Variants in LCN9 observed in about 807,000 individuals in gnomAD.
LCN9 encodes lipocalin 9.
In LCN9, 22 loss-of-function variants were observed where a neutral mutation model predicts 18.5. The ratio of observed to expected loss-of-function variants is 1.19; its 90% CI spans 0.85 to 1.70. The LOEUF (loss-of-function observed/expected upper bound fraction) is 1.70, where lower values mean the gene tolerates loss of function less well. LCN9 is among the 40% of genes most tolerant of loss of function. The probability of loss-of-function intolerance (pLI) is 0.00; values close to 1 mark genes in which losing one functional copy is unlikely to be tolerated. For synonymous variants in LCN9, 89 were observed against 83.0 expected, an observed-to-expected ratio of 1.07 and a Z score of -0.39; for missense variants, 202 against 201.3, an observed-to-expected ratio of 1.00 and a Z score of -0.02.
chr9:135,665,083 GC>G lies in LCN9; in HGVS notation c.308-157del, dbSNP rs1160753338. The G allele has an allele frequency of 6.2e-6, 4 of 643,950 alleles. No individual in the cohort carries two copies. The highest frequency in any genetic ancestry group is 5.5e-5 in the East Asian group (2 of 36,638). 39.9% of individuals were successfully genotyped at this position (643,950 alleles called of 1,614,324 possible). ...GGAGGGGGCTGTGCCGCTGCTGCCC[GC>G]CCCCTGTGCAGGGGTCTCCGCTGGG... is the stretch of plus-strand genomic sequence containing the variant. On this transcript the variant is annotated intron_variant, in intron 3 of 5. Coordinates refer to ENST00000619315, the Ensembl canonical transcript of LCN9. The surrounding 1 kb of genome is among the most constrained non-coding windows in gnomAD (Gnocchi z 5.9).
chr9:135,666,036 CT>C lies in LCN9; in HGVS notation c.*188del. On this transcript the variant is annotated 3_prime_UTR_variant, in exon 6 of 6. Coordinates refer to ENST00000619315, the Ensembl canonical transcript of LCN9. ...TGGTCTGGGAACCGAACACAAGGTGCTTTGGTGAAAGATGCTGTGAAAAGCA... is the reference window on the plus strand; with the variant it reads ...TGGTCTGGGAACCGAACACAAGGTGCTTGGTGAAAGATGCTGTGAAAAGCA... 8.1e-6 allele frequency: 13 copies of C among 1,599,706 alleles called. No homozygotes were observed. The South Asian group carries it at 1.4e-4, about 18-fold the overall frequency.
rs557313817 is a variant in LCN9, at chr9:135,663,509, A to C, written c.96+92A>C. ...GGGTCTCTGACCTGTGACCAGGGCA[A>C]CTGGTCCAAGGGGAGCCCACCTCTC... On this transcript the variant is annotated intron_variant, in intron 1 of 5. Transcript: ENST00000619315. 6 of 1,084,430 alleles carry C rather than the reference A, an allele frequency of 5.5e-6. No homozygotes were observed. In the African/African-American group the frequency reaches 9.5e-5, roughly 17 times the overall value. The allele number at this position is 1,084,430 out of a possible 1,614,324, so 67.2% of individuals were successfully genotyped here.
chr9:135,665,300 C>T lies in LCN9; in HGVS notation c.363C>T (p.Thr121=), dbSNP rs1437622903. 2 of 1,607,176 alleles carry T rather than the reference C, an allele frequency of 1.2e-6. No individual in the cohort carries two copies. ...AGACTGACTACAGGCTGTTCATCAC[C>T]TTCCACCTCCAGAACTTCAGGAACG... is the stretch of plus-strand genomic sequence containing the variant. The change falls in exon 4 of 6, where the codon ACC becomes ACT. Residue 121 remains threonine (T), a synonymous_variant. Coordinates refer to ENST00000619315, the Ensembl canonical transcript of LCN9. This position sits in a 1 kb window ranked among gnomAD's most constrained non-coding sequence, Gnocchi z 5.9.
chr9:135,663,478 AGCCTGGG>A, intron 1 of LCN9, 61 bp downstream of exon 1: 1 of 1,481,764 alleles, frequency 6.7e-7, no homozygotes, highest in Non-Finnish European at 9.4e-7. Context: ...GTCTTCCCCC[AGCCTGGG>A]GTCTCTGACC....
chr9:135,664,945 T>A lies in LCN9; in HGVS notation c.307+150T>A. The A allele has an allele frequency of 1.2e-6, 1 of 842,814 alleles. No individual in the cohort carries two copies. Among genetic ancestry groups the A allele is most frequent in the Non-Finnish European group, 1.8e-6 (1 of 543,180 alleles). 52.2% of individuals were successfully genotyped at this position (842,814 alleles called of 1,614,324 possible). On this transcript the variant is annotated intron_variant, in intron 3 of 5. Coordinates refer to ENST00000619315, the Ensembl canonical transcript of LCN9. The surrounding 1 kb of genome is among the most constrained non-coding windows in gnomAD (Gnocchi z 4.5). ...AACTGGAGGGACCCATCCTGGCACC[T>A]ACCCAGGGGGGCTCCTGGCCCAGGG...
rs1383505591 is a variant in LCN9, at chr9:135,664,806, G to A, written c.307+11G>A. On this transcript the variant is annotated intron_variant, in intron 3 of 5. Coordinates refer to ENST00000619315, the Ensembl canonical transcript of LCN9. This position sits in a 1 kb window ranked among gnomAD's most constrained non-coding sequence, Gnocchi z 4.5. The stretch of plus-strand genomic sequence containing the variant: ...AATACTCCATCAACTGTAAGTGGAA[G>A]CCAGGCTCCTCCTGGTCTCACAGTC... 19 of 1,573,872 alleles carry A rather than the reference G, an allele frequency of 1.2e-5. No homozygotes were observed. The highest frequency in any genetic ancestry group is 2.3e-5 in the South Asian group (2 of 85,432).
chr9:135,665,510 T>C lies in LCN9; in HGVS notation c.418+155T>C, dbSNP rs1356468121. 1 of 818,936 alleles carries C rather than the reference T, an allele frequency of 1.2e-6. No individual in the cohort carries two copies. The highest frequency in any genetic ancestry group is 2.0e-6 in the Non-Finnish European group (1 of 506,458). The allele number at this position is 818,936 out of a possible 1,614,324, so 50.7% of individuals were successfully genotyped here. On this transcript the variant is annotated intron_variant, in intron 4 of 5. Coordinates refer to ENST00000619315, the Ensembl canonical transcript of LCN9. The surrounding 1 kb of genome is among the most constrained non-coding windows in gnomAD (Gnocchi z 5.9). ...TCCCACAGACACACCGTTAGGGTGC[T>C]GGGTGCTTCAATCTGTCACCTCCCA...
rs868356061 is a variant in LCN9, at chr9:135,665,975, C to T, written c.*124C>T. ...AGCTTGGGGCCAACGTCAGAGGCTG[C>T]GGGGTCCCACCCCAGGAGGTGCCCA... On this transcript the variant is annotated 3_prime_UTR_variant, in exon 6 of 6. Transcript: ENST00000619315. This position sits in a 1 kb window ranked among gnomAD's most constrained non-coding sequence, Gnocchi z 5.9. 4.4e-6 allele frequency: 7 copies of T among 1,597,638 alleles called. No homozygotes were observed. Among genetic ancestry groups the T allele is most frequent in the East Asian group, 2.2e-5 (1 of 44,678 alleles).
chr9:135,664,863 A>G lies in LCN9; in HGVS notation c.307+68A>G. ...CTCCTTTCTCCAGGGCCTGGGCCAT[A>G]TTCTGGTGAGCACTGACTCTGGGGA... On this transcript the variant is annotated intron_variant, in intron 3 of 5. Coordinates refer to ENST00000619315, the Ensembl canonical transcript of LCN9. This position sits in a 1 kb window ranked among gnomAD's most constrained non-coding sequence, Gnocchi z 4.5. The G allele has an allele frequency of 6.8e-7, 1 of 1,467,490 alleles. No homozygotes were observed. The highest frequency in any genetic ancestry group is 9.3e-7 in the Non-Finnish European group (1 of 1,076,148). 90.9% of individuals were successfully genotyped at this position (1,467,490 alleles called of 1,614,324 possible).
chr9:135,664,320 T>A lies in LCN9; in HGVS notation c.233+22T>A. ...ACATGTGCGTGTTGCCCATCTCAGCTGGCATCAGGAAGACCCATGCCCCTG... is the reference window on the plus strand; with the variant it reads ...ACATGTGCGTGTTGCCCATCTCAGCAGGCATCAGGAAGACCCATGCCCCTG... On this transcript the variant is annotated intron_variant, in intron 2 of 5. Coordinates refer to ENST00000619315, the Ensembl canonical transcript of LCN9. This position sits in a 1 kb window ranked among gnomAD's most constrained non-coding sequence, Gnocchi z 4.5. 2 of 1,613,452 alleles carry A rather than the reference T, an allele frequency of 1.2e-6. No homozygotes were observed. Among genetic ancestry groups the A allele is most frequent in the South Asian group, 1.1e-5 (1 of 91,074 alleles).
Position 135,664,346 on chromosome 9 carries a change from C to T in LCN9, c.233+48C>T, listed in dbSNP as rs1564286068. ...GGCATCAGGAAGACCCATGCCCCTGCCACCCCAACGCATACTCTCACTCTT... is the reference window on the plus strand; with the variant it reads ...GGCATCAGGAAGACCCATGCCCCTGTCACCCCAACGCATACTCTCACTCTT... On this transcript the variant is annotated intron_variant, in intron 2 of 5. Coordinates refer to ENST00000619315, the Ensembl canonical transcript of LCN9. The surrounding 1 kb of genome is among the most constrained non-coding windows in gnomAD (Gnocchi z 4.5). The T allele has an allele frequency of 1.9e-6, 3 of 1,608,284 alleles. No individual in the cohort carries two copies. The highest frequency in any genetic ancestry group is 1.7e-6 in the Non-Finnish European group (2 of 1,176,534).
At position 135,664,401 on chromosome 9, in the gene LCN9, T is replaced by C. The variant is rs2119178860; in HGVS notation, c.233+103T>C. The C allele has an allele frequency of 4.2e-6, 6 of 1,435,828 alleles. No homozygotes were observed. The highest frequency in any genetic ancestry group is 5.8e-6 in the Non-Finnish European group (6 of 1,038,276). The allele number at this position is 1,435,828 out of a possible 1,614,324, so 88.9% of individuals were successfully genotyped here. ...ACACACGCTCGCACACTCACTGACTTGCACTCTGGTGAGAGCCTGAGCCTG... is the reference window on the plus strand; with the variant it reads ...ACACACGCTCGCACACTCACTGACTCGCACTCTGGTGAGAGCCTGAGCCTG... On this transcript the variant is annotated intron_variant, in intron 2 of 5. Transcript: ENST00000619315. This position sits in a 1 kb window ranked among gnomAD's most constrained non-coding sequence, Gnocchi z 4.5.
At position 135,665,054 on chromosome 9, in the gene LCN9, G is replaced by A. The variant is rs528063736; in HGVS notation, c.308-191G>A. Among the ~76,000 whole-genome samples, 7 of 152,248 alleles carry A rather than the reference G, an allele frequency of 4.6e-5. No individual in the cohort carries two copies. Among genetic ancestry groups the A allele is most frequent in the Admixed American group, 2.6e-4 (4 of 15,304 alleles). On this transcript the variant is annotated intron_variant, in intron 3 of 5. Transcript: ENST00000619315. This position sits in a 1 kb window ranked among gnomAD's most constrained non-coding sequence, Gnocchi z 5.9. ...ACCAGGGTCTGCAAGCCAATGACAA[G>A]GAGGGAGGGGGCTGTGCCGCTGCTG...
At chr9:135,663,337 C>T (rs1226362576) in exon 1 of LCN9, 8 of 1,613,620 alleles carry the variant, frequency 5.0e-6, no homozygotes, top group South Asian at 1.1e-5. Context: ...TCTGCTTCTG[C>T]TGAGCCTGGG....
Position 135,665,976 on chromosome 9 carries a change from G to A in LCN9, c.*125G>A, listed in dbSNP as rs760918990. 43 of 1,598,374 alleles carry A rather than the reference G, an allele frequency of 2.7e-5. 1 individual carries two copies. Among genetic ancestry groups the A allele is most frequent in the African/African-American group, 1.9e-4 (14 of 74,834 alleles). ...GCTTGGGGCCAACGTCAGAGGCTGC[G>A]GGGTCCCACCCCAGGAGGTGCCCAT... On this transcript the variant is annotated 3_prime_UTR_variant, in exon 6 of 6. Coordinates refer to ENST00000619315, the Ensembl canonical transcript of LCN9. This position sits in a 1 kb window ranked among gnomAD's most constrained non-coding sequence, Gnocchi z 5.9.
At position 135,664,811 on chromosome 9, in the gene LCN9, G is replaced by C. The variant is rs189622097; in HGVS notation, c.307+16G>C. The C allele has an allele frequency of 8.9e-6, 14 of 1,569,232 alleles. No individual in the cohort carries two copies. The highest frequency in any genetic ancestry group is 8.1e-5 in the African/African-American group (6 of 73,808). ...TCCATCAACTGTAAGTGGAAGCCAG[G>C]CTCCTCCTGGTCTCACAGTCGGGGG... On this transcript the variant is annotated intron_variant, in intron 3 of 5. Coordinates refer to ENST00000619315, the Ensembl canonical transcript of LCN9. This position sits in a 1 kb window ranked among gnomAD's most constrained non-coding sequence, Gnocchi z 4.5.
chr9:135,666,833 TC>T (rs1834233266), exon 6 of LCN9, among the ~76,000 whole-genome samples: 1 of 42,380 alleles, frequency 2.4e-5, no homozygotes, highest in Non-Finnish European at 4.4e-5. Flanking sequence ...TCTCTGCCCC[TC>T]CCCTCCTGTC....
chr9:135,663,399 G>A (rs1208614965), exon 1 of LCN9: 2 of 1,613,918 alleles, frequency 1.2e-6, no homozygotes, highest in Admixed American at 3.3e-5. Flanking sequence ...TTATGCAGAG[G>A]AACTACAACG....
At chr9:135,666,745 T>C (rs1282345267) in exon 6 of LCN9, among the ~76,000 whole-genome samples, 1 of 151,918 alleles carries the variant, frequency 6.6e-6, no homozygotes, top group Non-Finnish European at 1.5e-5. Flanking sequence ...TGAGATGAGA[T>C]GGCAACCGGC....
Sources: gnomAD v4.1 joint callset for allele counts (sites outside exome capture counted in the v4.1 genomes callset) on GRCh38, gnomAD v4.1.1 for gene constraint, Gnocchi (gnomAD v3.1) non-coding constraint, MANE v1.5 for transcripts, NCBI Gene and HGNC (gene_info 2026-07-23, HGNC 2026-07-21) for gene names.